GFRA3: variants seen among roughly 807,000 people sequenced by gnomAD.
GFRA3 encodes the protein GDNF family receptor alpha 3, also known as GDNF family receptor alpha-3.
A neutral mutation model predicts 40.0 loss-of-function variants in GFRA3; 24 were observed. The observed-to-expected ratio is 0.60, with a 90% confidence interval of 0.43 to 0.84. The LOEUF is 0.84. GFRA3 is among the 40% of genes least tolerant of loss of function. The pLI is 0.00. For synonymous variants in GFRA3, 203 were observed against 213.5 expected, an observed-to-expected ratio of 0.95 and a Z score of 0.43; for missense variants, 405 against 530.6, an observed-to-expected ratio of 0.76 and a Z score of 2.33.
At chr5:138,273,364 A>G (rs939022495) in intron 1 of GFRA3, among the ~76,000 whole-genome samples, 34 of 152,170 alleles carry the variant, frequency 2.2e-4, no homozygotes, top group African/African-American at 8.0e-4. Flanking sequence ...GCTTCATTAA[A>G]CCATTTAATG....
At chr5:138,255,910 A>G (rs1461288734) in intron 4 of GFRA3, among the ~76,000 whole-genome samples, 202 of 150,832 alleles carry the variant, frequency 1.3e-3, no homozygotes, top group South Asian at 0.012. Flanking sequence ...AAAAAAAAAA[A>G]AAAAAGAAGA....
At position 138,252,959 on chromosome 5, in the gene GFRA3, G is replaced by A. The variant is rs1370947098; in HGVS notation, c.*9C>T. ...TGGTGGAGGGGAAGAGGGCCCTGGGGAAGTCCAGCTACCATAGGCTCAGGA... is the reference window on the plus strand; with the variant it reads ...TGGTGGAGGGGAAGAGGGCCCTGGGAAAGTCCAGCTACCATAGGCTCAGGA... On this transcript the variant is annotated 3_prime_UTR_variant, in exon 8 of 8. Coordinates refer to ENST00000274721, the MANE Select transcript of GFRA3 (RefSeq NM_001496.4). 1.3e-6 allele frequency: 2 copies of A among 1,517,940 alleles called. No individual in the cohort carries two copies. Among genetic ancestry groups the A allele is most frequent in the South Asian group, 1.1e-5 (1 of 88,898 alleles). 94.0% of individuals were successfully genotyped at this position (1,517,940 alleles called of 1,614,324 possible).
At chr5:138,272,117 T>C (rs1357315809) in intron 1 of GFRA3, among the ~76,000 whole-genome samples, 1 of 150,848 alleles carries the variant, frequency 6.6e-6, no homozygotes, top group Non-Finnish European at 1.5e-5. Flanking sequence ...GCCATTCTCC[T>C]GCCTCAGCCT....
rs115085202 is a variant in GFRA3 at position 138,258,061 on chromosome 5, G to C, written c.473-110C>G. The C allele has an allele frequency of 4.1e-3, 3,473 of 848,804 alleles. 80 individuals carry two copies. The African/African-American group carries it at 0.05, about 12-fold the overall frequency. The allele number at this position is 848,804 out of a possible 1,614,324, so 52.6% of individuals were successfully genotyped here. A position where few individuals can be genotyped will look rare whatever the true frequency, so the allele number is the denominator to read the frequency against. The stretch of plus-strand genomic sequence containing the variant: ...ATTTGACAAGAAGGTAGTGGATATA[G>C]GAGGAAAAGAAGGCCTGTCATGAAT... On this transcript the variant is annotated intron_variant, in intron 3 of 7. Coordinates refer to ENST00000274721, the MANE Select transcript of GFRA3 (RefSeq NM_001496.4).
chr5:138,272,373 C>T (rs771152755), intron 1 of GFRA3, among the ~76,000 whole-genome samples: 13 of 149,618 alleles, frequency 8.7e-5, no homozygotes, highest in African/African-American at 2.0e-4. Context: ...GGTGCGGTGG[C>T]GCACACCTTT....
chr5:138,257,390 T>C lies in GFRA3; in HGVS notation c.785+249A>G, dbSNP rs547119659. Reference sequence around the variant, plus strand: ...CAAAGTATGATAGATTATCTTCAGGTGATAGAATTTTTAATGATTTTTTAA... The same window carrying C: ...CAAAGTATGATAGATTATCTTCAGGCGATAGAATTTTTAATGATTTTTTAA... On this transcript the variant is annotated intron_variant, in intron 4 of 7. Coordinates refer to ENST00000274721, the MANE Select transcript of GFRA3 (RefSeq NM_001496.4). Among the ~76,000 whole-genome samples the C allele has an allele frequency of 1.7e-3, 264 of 152,282 alleles. 1 individual carries two copies. Among genetic ancestry groups the C allele is most frequent in the African/African-American group, 6.1e-3 (253 of 41,562 alleles).
Position 138,259,546 on chromosome 5 carries a change from GC to G in GFRA3, c.472+10del. ...CAGCCTCTGGTTCCCGAGCCTAGTT[GC>G]CCTCCACACCTGGTTTGAGCATGTT... On this transcript the variant is annotated intron_variant, in intron 3 of 7. Transcript: ENST00000274721. The G allele has an allele frequency of 7.7e-7, 1 of 1,294,040 alleles. No individual in the cohort carries two copies. The highest frequency in any genetic ancestry group is 1.1e-6 in the Non-Finnish European group (1 of 887,292). The allele number at this position is 1,294,040 out of a possible 1,614,324, so 80.2% of individuals were successfully genotyped here.
At chr5:138,274,198 T>C in intron 1 of GFRA3, 136 bp downstream of exon 1, 2 of 1,177,172 alleles carry the variant, frequency 1.7e-6, no homozygotes, top group Non-Finnish European at 2.2e-6. Context: ...CTGGGCTTCC[T>C]GCTCCAGTTC....
chr5:138,265,995 C>G (rs1436648618), intron 1 of GFRA3, among the ~76,000 whole-genome samples: 1 of 152,212 alleles, frequency 6.6e-6, no homozygotes, highest in Non-Finnish European at 1.5e-5. Context: ...CACACCCAGC[C>G]AGTACCTCAT....
chr5:138,271,913 T>TTTTTTTGTGTGTG (rs59830655), intron 1 of GFRA3, among the ~76,000 whole-genome samples: 1 of 54,332 alleles, frequency 1.8e-5, no homozygotes, highest in African/African-American at 7.0e-5. Flanking sequence ...TTTTTTTTTT[T>TTTTTTTGTGTGTG]TGTGTGTGTG....
Position 138,254,043 on chromosome 5 carries a change from G to T in GFRA3, c.889+14C>A. On this transcript the variant is annotated intron_variant, in intron 5 of 7. Transcript: ENST00000274721. ...AGCCAACATAGGGTTCCCTACACAT[G>T]CCCCCAGCCTCACCAATCAGCCCCA... The T allele has an allele frequency of 6.3e-7, 1 of 1,584,490 alleles. No individual in the cohort carries two copies. Among genetic ancestry groups the T allele is most frequent in the Non-Finnish European group, 8.7e-7 (1 of 1,153,090 alleles).
intron 1 of GFRA3, among the ~76,000 whole-genome samples, chr5:138,269,524 G>A (rs180790594): frequency 7.1e-6 from 1 of 140,044 alleles, no homozygotes; most frequent in East Asian, 2.2e-4. Flanking sequence ...GCACAAGAGC[G>A]AAACTCTGTC....
At chr5:138,260,393 A>C (rs891230772) in intron 2 of GFRA3, among the ~76,000 whole-genome samples, 3 of 152,240 alleles carry the variant, frequency 2.0e-5, no homozygotes, top group African/African-American at 7.2e-5. Flanking sequence ...TAACATGAGC[A>C]AGAAATACAT....
In GFRA3 at chr5:138,264,587, G is replaced by C. The variant is rs1755755884; in HGVS notation, c.92-39C>G. On this transcript the variant is annotated intron_variant, in intron 1 of 7. Coordinates refer to ENST00000274721, the MANE Select transcript of GFRA3 (RefSeq NM_001496.4). ...TACCAGGTGAGGCTACGTAAGATTA[G>C]AATAGCTGTCTGGGAATACCAAGTC... The C allele has an allele frequency of 2.1e-6, 3 of 1,395,460 alleles. No homozygotes were observed. In the South Asian group the frequency reaches 4.0e-5, roughly 19 times the overall value. The allele number at this position is 1,395,460 out of a possible 1,614,324, so 86.4% of individuals were successfully genotyped here. A position where few individuals can be genotyped will look rare whatever the true frequency, so the allele number is the denominator to read the frequency against.
chr5:138,258,318 T>A (rs1397065547), intron 3 of GFRA3, among the ~76,000 whole-genome samples: 1 of 151,630 alleles, frequency 6.6e-6, no homozygotes. Flanking sequence ...GTAGCTGGGA[T>A]TACACGCATG....
At chr5:138,259,167 T>G (rs1279051144) in intron 3 of GFRA3, among the ~76,000 whole-genome samples, 1 of 152,230 alleles carries the variant, frequency 6.6e-6, no homozygotes, top group Non-Finnish European at 1.5e-5. Flanking sequence ...TTAGAATGGT[T>G]GAAAACAAGC....
At position 138,256,554 on chromosome 5, in the gene GFRA3, C is replaced by CA. The variant is rs370858708; in HGVS notation, c.785+1084dup. 2.2e-3 allele frequency among the ~76,000 whole-genome samples: 302 copies of CA among 139,400 alleles called. 2 individuals carry two copies. The highest frequency in any genetic ancestry group is 0.02 in the South Asian group (85 of 4,302). The allele number at this position is 139,400 out of a possible 152,430, so 91.5% of individuals were successfully genotyped here. A position where few individuals can be genotyped will look rare whatever the true frequency, so the allele number is the denominator to read the frequency against. On this transcript the variant is annotated intron_variant, in intron 4 of 7. Coordinates refer to ENST00000274721, the MANE Select transcript of GFRA3 (RefSeq NM_001496.4). Reference sequence around the variant, plus strand: ...AAAAAAACAAACAAAAAAAAACAAACAAAAAAAAAAACAAAACAAAAACCT... The same window carrying CA: ...AAAAAAACAAACAAAAAAAAACAAACAAAAAAAAAAAACAAAACAAAAACCT...
chr5:138,264,524 C>T lies in GFRA3; in HGVS notation c.116G>A (p.Arg39Gln), dbSNP rs113682807. Reference protein sequence around the residue: ...AAGDPLPTESRLMNSCLQARR... With the variant: ...AAGDPLPTESQLMNSCLQARR... The stretch of plus-strand genomic sequence containing the variant: ...GGCCTGGAGACAGCTGTTCATGAGT[C>T]GGCTTTCTGTGGGAAGGGGGTCTCC... Residue 39 changes from arginine to glutamine, a missense_variant, in exon 2 of 8, where the codon CGA becomes CAA. Transcript: ENST00000274721. 4.4e-6 allele frequency: 7 copies of T among 1,608,280 alleles called. No individual in the cohort carries two copies. The highest frequency in any genetic ancestry group is 3.3e-5 in the South Asian group (3 of 90,304).
chr5:138,255,034 G>C (rs1477830042), intron 4 of GFRA3, among the ~76,000 whole-genome samples: 3 of 150,900 alleles, frequency 2.0e-5, no homozygotes. Flanking sequence ...AGGAAGGAAG[G>C]AAGGAGAAAA....
Sources: allele counts gnomAD v4.1 joint callset (sites outside exome capture counted in the v4.1 genomes callset), GRCh38; gene constraint gnomAD v4.1.1; transcripts MANE v1.5; gene names NCBI Gene and HGNC (gene_info 2026-07-23, HGNC 2026-07-21).